RPL39: variants seen among roughly 807,000 people sequenced by gnomAD.
RPL39 encodes ribosomal protein L39, also known as large ribosomal subunit protein eL39.
For missense variants in RPL39, 6 were observed against 37.2 expected (o/e 0.16, Z 2.18); for synonymous variants, 8 against 11.4 (o/e 0.70, Z 0.60).
At chrX:119,787,319 A>C (rs1213622084) in intron 2 of RPL39, 1 of 365,883 alleles carries the variant, frequency 2.7e-6, no homozygotes, top group African/African-American at 2.5e-5. Flanking sequence ...CAACTCCTCC[A>C]TTCACGTCTA....
chrX:119,786,815 C>T, intron 2 of RPL39, 83 bp from the exon 3 acceptor site: 1 of 727,380 alleles, frequency 1.4e-6, no homozygotes, highest in South Asian at 2.5e-5. Context: ...TTAGGTACCA[C>T]AAAATACAAA....
intron 1 of RPL39, 52 bp from the exon 2 acceptor site, chrX:119,790,063 T>A: frequency 1.3e-6 from 1 of 758,177 alleles, no homozygotes. Flanking sequence ...GCCCGAATGA[T>A]TCAAAGTCAA....
At chrX:119,789,579 CAAAA>C (rs2055688204) in intron 2 of RPL39, among the ~76,000 whole-genome samples, 1 of 110,601 alleles carries the variant, frequency 9.0e-6, no homozygotes, top group South Asian at 3.7e-4. Flanking sequence ...AAAACAAAAA[CAAAA>C]ACAAAAAGCC....
rs2055666725 is a variant in RPL39 at position 119,786,541 on chromosome X, A to G, written c.*143T>C. On this transcript the variant is annotated 3_prime_UTR_variant, in exon 3 of 3. Coordinates refer to ENST00000361575, the MANE Select transcript of RPL39 (RefSeq NM_001000.4). ...GCCTTACATATTTATTACTGAATCC[A>G]GCCAACCAACGTGTTCATAACAGAT... The G allele has an allele frequency of 2.1e-6, 1 of 479,458 alleles. No homozygotes were observed. The highest frequency in any genetic ancestry group is 3.6e-6 in the Non-Finnish European group (1 of 279,643). The allele number at this position is 479,458 out of a possible 1,213,427, so 39.5% of individuals were successfully genotyped here. A position where few individuals can be genotyped will look rare whatever the true frequency, so the allele number is the denominator to read the frequency against.
chrX:119,790,094 T>C (rs1010624613), intron 1 of RPL39, 83 bp from the exon 2 acceptor site: 1 of 575,449 alleles, frequency 1.7e-6, no homozygotes, highest in Non-Finnish European at 2.9e-6. Context: ...AAACCAACAT[T>C]TGAGTGCTTA....
intron 1 of RPL39, 90 bp from the exon 2 acceptor site, chrX:119,790,101 C>T (rs1234829644): frequency 1.9e-6 from 1 of 522,797 alleles, no homozygotes; most frequent in African/African-American, 2.3e-5. Flanking sequence ...CATTTGAGTG[C>T]TTAACACATA....
At chrX:119,787,122 G>A (rs1569455947) in intron 2 of RPL39, among the ~76,000 whole-genome samples, 1 of 110,182 alleles carries the variant, frequency 9.1e-6, no homozygotes, top group East Asian at 2.9e-4. Flanking sequence ...AGAGTCGCCC[G>A]CCCCCCCAAC....
intron 2 of RPL39, 137 bp downstream of exon 2, chrX:119,789,771 G>A (rs1398341286): frequency 4.6e-6 from 2 of 436,268 alleles, no homozygotes; most frequent in Non-Finnish European, 8.1e-6. Context: ...TTTTAAAAAC[G>A]AATTTGAGAA....
intron 2 of RPL39, among the ~76,000 whole-genome samples, chrX:119,789,509 A>G (rs754837518): frequency 1.8e-5 from 2 of 112,421 alleles, no homozygotes; most frequent in South Asian, 7.3e-4. Context: ...GTGAGCCGAG[A>G]TTGTGCCACT....
chrX:119,790,874 T>C (rs2055696282), intron 1 of RPL39: 1 of 111,164 alleles, frequency 9.0e-6, no homozygotes. Flanking sequence ...GTAGCAGTTG[T>C]AAATTTTGTC....
Position 119,789,556 on chromosome X carries a change from C to CAAAAAA in RPL39, c.107+351_107+352insTTTTTT, listed in dbSNP as rs1385582390. 4.7e-3 allele frequency among the ~76,000 whole-genome samples: 399 copies of CAAAAAA among 84,553 alleles called. 1 individual carries two copies. Among genetic ancestry groups the CAAAAAA allele is most frequent in the Middle Eastern group, 0.011 (2 of 185 alleles). 73.4% of individuals were successfully genotyped at this position (84,553 alleles called of 115,157 possible). The stretch of plus-strand genomic sequence containing the variant: ...CGGGTAACAGAGCGAGACTCCGTCT[C>CAAAAAA]AAAACAAAAACAAAAACAAAAACAA... On this transcript the variant is annotated intron_variant, in intron 2 of 2. Transcript: ENST00000361575.
In RPL39 at chrX:119,789,949, G is replaced by A; in HGVS notation, c.66C>T (p.Pro22=). Residue 22 remains proline, a synonymous_variant, in exon 2 of 3, where the codon CCC becomes CCT. Transcript: ENST00000361575. ...FLAKKQKQNR[P]IPQWIRMKTG... Reference sequence around the variant, plus strand: ...TTTTCATCCGAATCCACTGGGGAATGGGACGATTTTGCTTTTGTTTCTTGG... The same window carrying A: ...TTTTCATCCGAATCCACTGGGGAATAGGACGATTTTGCTTTTGTTTCTTGG... 1.7e-6 allele frequency: 2 copies of A among 1,190,400 alleles called. No homozygotes were observed. Among genetic ancestry groups the A allele is most frequent in the Non-Finnish European group, 2.3e-6 (2 of 876,938 alleles).
intron 2 of RPL39, among the ~76,000 whole-genome samples, chrX:119,788,531 CAAAA>C (rs11410623): frequency 1.1e-5 from 1 of 91,634 alleles, no homozygotes. Context: ...AACTCCATCT[CAAAA>C]AAAAAAAAAA....
intron 1 of RPL39, 107 bp from the exon 2 acceptor site, chrX:119,790,118 C>G: frequency 2.1e-6 from 1 of 467,011 alleles, no homozygotes; most frequent in Non-Finnish European, 3.7e-6. Flanking sequence ...CATACCCCAG[C>G]CCCAAAATCT....
chrX:119,789,025 T>A (rs989826366), intron 2 of RPL39, among the ~76,000 whole-genome samples: 2 of 111,077 alleles, frequency 1.8e-5, no homozygotes, highest in Admixed American at 9.6e-5. Context: ...TGCACTTTGG[T>A]AGGGTGAGAC....
At chrX:119,788,278 A>G (rs901390123) in intron 2 of RPL39, among the ~76,000 whole-genome samples, 3 of 111,913 alleles carry the variant, frequency 2.7e-5, no homozygotes, top group Non-Finnish European at 5.6e-5. Context: ...TCATGCCTGT[A>G]ATCCCAGCAT....
At chrX:119,791,324 G>A in intron 1 of RPL39, 1 of 297,538 alleles carries the variant, frequency 3.4e-6, no homozygotes, top group Non-Finnish European at 6.2e-6. Context: ...CGACTCGGCA[G>A]CGGCCGGGCA....
Position 119,786,750 on chromosome X carries a change from T to C in RPL39, c.108-18A>G. The stretch of plus-strand genomic sequence containing the variant: ...AGTTGTACCTACACAGAAAAAAATG[T>C]CAAGTTACAAAGGCAGTCTGACAGC... On this transcript the variant is annotated intron_variant, in intron 2 of 2. Transcript: ENST00000361575. 1 of 1,189,196 alleles carries C rather than the reference T, an allele frequency of 8.4e-7. No individual in the cohort carries two copies. Among genetic ancestry groups the C allele is most frequent in the Non-Finnish European group, 1.1e-6 (1 of 876,680 alleles).
chrX:119,790,144 A>T, intron 1 of RPL39, 133 bp from the exon 2 acceptor site: 1 of 420,784 alleles, frequency 2.4e-6, no homozygotes, highest in Non-Finnish European at 4.2e-6. Flanking sequence ...ATGCTAAGCC[A>T]TCAAGCCAAG....
Sources: gnomAD v4.1 joint callset for allele counts (sites outside exome capture counted in the v4.1 genomes callset) on GRCh38, gnomAD v4.1.1 for gene constraint, MANE v1.5 for transcripts, NCBI Gene and HGNC (gene_info 2026-07-23, HGNC 2026-07-21) for gene names.